Variants in GSG1L observed in about 807,000 individuals in gnomAD.
GSG1L encodes GSG1 like.
A neutral mutation model predicts 42.1 loss-of-function variants in GSG1L; 24 were observed. The ratio of observed to expected loss-of-function variants is 0.57; its 90% confidence interval spans 0.41 to 0.80. GSG1L has a LOEUF of 0.80. Among genes scored for constraint, GSG1L ranks in the 30% least tolerant of loss-of-function variants. The pLI is 0.00. For synonymous variants in GSG1L, 215 were observed against 203.5 expected (o/e 1.06, Z -0.48); for missense variants, 445 against 472.2 (o/e 0.94, Z 0.53).
At chr16:27,928,957 G>A (rs2084627181) in intron 2 of GSG1L, among the ~76,000 whole-genome samples, 1 of 152,228 alleles carries the variant, frequency 6.6e-6, no homozygotes, top group Admixed American at 6.5e-5. Context: ...TTAAGGTGCA[G>A]GGACCTGGGA....
chr16:27,852,701 G>A (rs1252573170), intron 3 of GSG1L, among the ~76,000 whole-genome samples: 4 of 152,154 alleles, frequency 2.6e-5, no homozygotes, highest in Non-Finnish European at 2.9e-5. Context: ...TAAGCCATCC[G>A]AGGCAGTTTG....
chr16:28,063,563 C>T lies in GSG1L; in HGVS notation c.-139G>A. ...CTGAGATCGGCGGCGGCGGACGCGGCGCGGGCCCATGCCCCCCCCAACCCC... is the reference window on the plus strand; with the variant it reads ...CTGAGATCGGCGGCGGCGGACGCGGTGCGGGCCCATGCCCCCCCCAACCCC... On this transcript the variant is annotated 5_prime_UTR_variant, in exon 1 of 7. Transcript: ENST00000447459. The surrounding 1 kb of genome is among the most constrained non-coding windows in gnomAD (Gnocchi z 5.8). The T allele has an allele frequency of 6.1e-6, 2 of 327,766 alleles. No homozygotes were observed. Among genetic ancestry groups the T allele is most frequent in the Non-Finnish European group, 8.9e-6 (2 of 225,614 alleles). The allele number at this position is 327,766 out of a possible 1,614,324, so 20.3% of individuals were successfully genotyped here. A position where few individuals can be genotyped will look rare whatever the true frequency, so the allele number is the denominator to read the frequency against.
chr16:27,951,660 C>G (rs2084952022), intron 2 of GSG1L, among the ~76,000 whole-genome samples: 2 of 152,186 alleles, frequency 1.3e-5, no homozygotes, highest in South Asian at 4.1e-4. Flanking sequence ...GTAGGTTGAC[C>G]TGTTTTTAGC....
At chr16:27,999,859 C>G (rs1359215837) in intron 1 of GSG1L, among the ~76,000 whole-genome samples, 1 of 152,178 alleles carries the variant, frequency 6.6e-6, no homozygotes, top group African/African-American at 2.4e-5. Flanking sequence ...GGAGGACACA[C>G]AGTATATTTG....
intron 1 of GSG1L, among the ~76,000 whole-genome samples, chr16:27,983,564 T>C (rs2085348190): frequency 6.6e-6 from 1 of 152,114 alleles, no homozygotes; most frequent in Non-Finnish European, 1.5e-5. Flanking sequence ...ATCCCATATG[T>C]TTGGTTTGGT....
rs144303723 is a variant in GSG1L, at chr16:27,901,335, C to G, written c.398-16697G>C. On this transcript the variant is annotated intron_variant, in intron 2 of 6. Transcript: ENST00000447459. ...ATTGGTGTCAAAGCCCCAGGTGCAT[C>G]TAGCCCACTGAGGTTTGTTGCCACC... Among the ~76,000 whole-genome samples, 88 of 152,290 alleles carry G rather than the reference C, an allele frequency of 5.8e-4. 1 individual carries two copies. In the East Asian group the frequency reaches 0.012, roughly 20 times the overall value.
intron 2 of GSG1L, among the ~76,000 whole-genome samples, chr16:27,907,834 C>T (rs2084336990): frequency 6.6e-6 from 1 of 151,444 alleles, no homozygotes; most frequent in Non-Finnish European, 1.5e-5. Context: ...AGGCCTGTGT[C>T]CTTTCTTGTG....
chr16:27,955,209 C>A (rs1027221105), intron 2 of GSG1L, among the ~76,000 whole-genome samples: 1 of 151,928 alleles, frequency 6.6e-6, no homozygotes, highest in Non-Finnish European at 1.5e-5. Context: ...AAATTAATAT[C>A]ATTGGAGAAA....
intron 6 of GSG1L, among the ~76,000 whole-genome samples, chr16:27,803,796 G>GATATATATATATATATATATATATATAT (rs879523842): frequency 4.1e-5 from 3 of 73,828 alleles, no homozygotes; most frequent in African/African-American, 1.1e-4. Context: ...TATATATATA[G>GATATATATATATATATATATATATATAT]ATAGATAGAT....
At chr16:27,809,504 G>A (rs1439863290) in intron 5 of GSG1L, among the ~76,000 whole-genome samples, 5 of 152,020 alleles carry the variant, frequency 3.3e-5, no homozygotes, top group Non-Finnish European at 7.4e-5. Flanking sequence ...CTTGAGCCCA[G>A]GAGATCGAGG....
At chr16:27,984,167 C>T (rs1250059191) in intron 1 of GSG1L, among the ~76,000 whole-genome samples, 1 of 152,152 alleles carries the variant, frequency 6.6e-6, no homozygotes, top group Non-Finnish European at 1.5e-5. Context: ...GACACCACTT[C>T]TGTTTGTAAG....
Position 28,023,010 on chromosome 16 carries a change from A to G in GSG1L, c.349+40066T>C, listed in dbSNP as rs9673725. On this transcript the variant is annotated intron_variant, in intron 1 of 6. Coordinates refer to ENST00000447459, the MANE Select transcript of GSG1L (RefSeq NM_001109763.2). ...TTTTTGTTTGTTTTTTAATATATAT[A>G]GAGAGATGAGGTCTCACTATGTTGC... Among the ~76,000 whole-genome samples, 1,487 of 152,180 alleles carry G rather than the reference A, an allele frequency of 9.8e-3. 26 individuals carry two copies. The highest frequency in any genetic ancestry group is 0.034 in the African/African-American group (1,404 of 41,506).
At chr16:28,032,857 G>A (rs79813400) in intron 1 of GSG1L, among the ~76,000 whole-genome samples, 478 of 152,120 alleles carry the variant, frequency 3.1e-3, no homozygotes, top group Non-Finnish European at 5.4e-3. Flanking sequence ...CAAGGCCGAG[G>A]CACCATCATC....
chr16:28,041,495 T>A (rs1221831830), intron 1 of GSG1L, among the ~76,000 whole-genome samples: 3 of 152,102 alleles, frequency 2.0e-5, no homozygotes, highest in Non-Finnish European at 4.4e-5. Flanking sequence ...GAGTGCCTGA[T>A]ATAATTCTAA....
At chr16:27,986,156 G>A (rs1368439524) in intron 1 of GSG1L, among the ~76,000 whole-genome samples, 1 of 152,180 alleles carries the variant, frequency 6.6e-6, no homozygotes, top group Admixed American at 6.5e-5. Flanking sequence ...TTTACAACGA[G>A]AGTTATTGCC....
chr16:27,814,688 G>GAAAA (rs750992732), intron 5 of GSG1L, among the ~76,000 whole-genome samples: 1 of 94,330 alleles, frequency 1.1e-5, no homozygotes, highest in African/African-American at 3.9e-5. Context: ...CCGTCTCAAG[G>GAAAA]AAAAAAAAAA....
In GSG1L at chr16:27,972,921, C is replaced by T. The variant is rs984789345; in HGVS notation, c.350-9718G>A. 3.3e-5 allele frequency among the ~76,000 whole-genome samples: 5 copies of T among 152,184 alleles called. 1 individual carries two copies. Among genetic ancestry groups the T allele is most frequent in the South Asian group, 4.1e-4 (2 of 4,828 alleles). ...TTAGTGATGGCTCATGTGATGGCAC[C>T]GGCCGATCCTTCAGGGAAGGGCATT... is the stretch of plus-strand genomic sequence containing the variant. On this transcript the variant is annotated intron_variant, in intron 1 of 6. Transcript: ENST00000447459.
chr16:27,837,312 T>C (rs2083332082), intron 4 of GSG1L, among the ~76,000 whole-genome samples: 1 of 152,158 alleles, frequency 6.6e-6, no homozygotes, highest in Admixed American at 6.5e-5. Flanking sequence ...TACCTCCACC[T>C]GGTCTCTCCC....
At chr16:28,018,067 GC>G (rs1350696709) in intron 1 of GSG1L, among the ~76,000 whole-genome samples, 1 of 152,044 alleles carries the variant, frequency 6.6e-6, no homozygotes, top group African/African-American at 2.4e-5. Flanking sequence ...ATAGAAAATA[GC>G]CCCAGAAATA....
Sources: allele counts gnomAD v4.1 joint callset (sites outside exome capture counted in the v4.1 genomes callset), GRCh38; gene constraint gnomAD v4.1.1; non-coding constraint Gnocchi (gnomAD v3.1); transcripts MANE v1.5; gene names NCBI Gene and HGNC (gene_info 2026-07-23, HGNC 2026-07-21).